Variants in EML6 observed in about 807,000 individuals in gnomAD.
The protein encoded by EML6 is EMAP like 6.
Under a neutral mutation model 240.1 loss-of-function variants are expected in EML6, and 154 were observed. That is an observed-to-expected ratio of 0.64 (90% CI 0.56 to 0.73). EML6 has a LOEUF of 0.73. EML6 is among the 30% of genes least tolerant of loss of function. EML6 has a pLI of 0.00. For missense variants in EML6, 2,964 were observed against 2,474.6 expected (o/e 1.20, Z -4.20); for synonymous variants, 1,148 against 899.0 (o/e 1.28, Z -4.95).
intron 12 of EML6, among the ~76,000 whole-genome samples, chr2:54,860,503 T>C (rs1466119130): frequency 6.6e-6 from 1 of 152,074 alleles, no homozygotes; most frequent in Non-Finnish European, 1.5e-5. Context: ...CAGACACACA[T>C]TAACCCAGCT....
At chr2:54,947,036 T>C (rs909008682) in intron 28 of EML6, among the ~76,000 whole-genome samples, 1 of 152,096 alleles carries the variant, frequency 6.6e-6, no homozygotes, top group African/African-American at 2.4e-5. Context: ...GTATAATATA[T>C]TACATATTAT....
At chr2:54,912,513 A>G (rs1409728867) in intron 25 of EML6, among the ~76,000 whole-genome samples, 5 of 152,166 alleles carry the variant, frequency 3.3e-5, no homozygotes, top group Non-Finnish European at 7.4e-5. Flanking sequence ...TGCATCACCC[A>G]GGTAGAGAGC....
At position 54,813,267 on chromosome 2, in the gene EML6, C is replaced by G; in HGVS notation, c.233C>G (p.Thr78Ser). ...ALHPDKTLVA[T>S]GQVGKEPYIC... ...CACCCAGACAAAACTCTCGTTGCAA[C>G]TGGCCAAGTCGGGAAGGAGCCATAT... The change falls in exon 3 of 42, where the codon ACT becomes AGT. Residue 78 changes from threonine to serine, a missense_variant. Thr to Ser is a moderately conservative substitution (Grantham distance 58, BLOSUM62 1). Transcript: ENST00000356458. 1.9e-6 allele frequency: 3 copies of G among 1,550,826 alleles called. No homozygotes were observed. The highest frequency in any genetic ancestry group is 2.6e-6 in the Non-Finnish European group (3 of 1,146,518).
chr2:54,803,728 C>G (rs534586349), intron 2 of EML6, among the ~76,000 whole-genome samples: 1 of 152,036 alleles, frequency 6.6e-6, no homozygotes, highest in Non-Finnish European at 1.5e-5. Flanking sequence ...AATAAGTGGC[C>G]AGTTTTGTTT....
At chr2:54,938,880 G>C (rs1339622072) in intron 28 of EML6, among the ~76,000 whole-genome samples, 1 of 152,184 alleles carries the variant, frequency 6.6e-6, no homozygotes, top group African/African-American at 2.4e-5. Flanking sequence ...TCTCATTTCT[G>C]TTGGTGGGAG....
intron 17 of EML6, chr2:54,882,323 C>G (rs529661178): frequency 7.2e-6 from 1 of 138,268 alleles, no homozygotes; most frequent in Non-Finnish European, 1.5e-5. Flanking sequence ...GTCTAGTATA[C>G]AAGTATCCCA....
chr2:54,724,895 C>A lies in EML6; in HGVS notation c.-167C>A. The A allele has an allele frequency of 2.7e-6, 1 of 375,766 alleles. No individual in the cohort carries two copies. Among genetic ancestry groups the A allele is most frequent in the Non-Finnish European group, 4.0e-6 (1 of 247,382 alleles). The allele number at this position is 375,766 out of a possible 1,614,324, so 23.3% of individuals were successfully genotyped here. On this transcript the variant is annotated 5_prime_UTR_variant, in exon 2 of 42. Transcript: ENST00000356458. This position sits in a 1 kb window ranked among gnomAD's most constrained non-coding sequence, Gnocchi z 5.2. ...GGCGGCGGCTTGTCTGCGGCGGCTG[C>A]AGCGGATGATGGTGGCGGCCGGCCC... is the stretch of plus-strand genomic sequence containing the variant.
chr2:54,925,623 A>G (rs1335178640), intron 26 of EML6, among the ~76,000 whole-genome samples: 1 of 152,120 alleles, frequency 6.6e-6, no homozygotes, highest in Non-Finnish European at 1.5e-5. Context: ...ATTCAGTTTT[A>G]TAGGTTAAAG....
intron 28 of EML6, among the ~76,000 whole-genome samples, chr2:54,944,396 A>C (rs1215288050): frequency 7.9e-5 from 12 of 152,134 alleles, no homozygotes; most frequent in African/African-American, 2.9e-4. Context: ...CTCCATGACA[A>C]AGTGCTGTGA....
intron 9 of EML6, among the ~76,000 whole-genome samples, chr2:54,848,026 T>G (rs1669864971): frequency 6.6e-6 from 1 of 151,292 alleles, no homozygotes; most frequent in Non-Finnish European, 1.5e-5. Flanking sequence ...CAAGCACATC[T>G]AATTCCAAGG....
intron 2 of EML6, among the ~76,000 whole-genome samples, chr2:54,769,226 G>A (rs369578200): frequency 6.6e-6 from 1 of 152,184 alleles, no homozygotes; most frequent in East Asian, 1.9e-4. Flanking sequence ...AGTGATGTCA[G>A]AAGACTTCAC....
At chr2:54,799,475 A>G (rs1482910877) in intron 2 of EML6, among the ~76,000 whole-genome samples, 1 of 151,828 alleles carries the variant, frequency 6.6e-6, no homozygotes, top group Non-Finnish European at 1.5e-5. Context: ...CCTCCTGAGT[A>G]GCTGGGATTA....
At chr2:54,879,876 A>G (rs1671725152) in intron 17 of EML6, 1 of 508,468 alleles carries the variant, frequency 2.0e-6, no homozygotes, top group African/African-American at 1.9e-5. Context: ...AGAGTCATTC[A>G]CCGCTTCATT....
chr2:54,905,805 C>T (rs1039764140), intron 24 of EML6, among the ~76,000 whole-genome samples: 3 of 152,192 alleles, frequency 2.0e-5, no homozygotes, highest in Admixed American at 2.0e-4. Flanking sequence ...CTATAATGGG[C>T]TTATTCCACT....
intron 16 of EML6, among the ~76,000 whole-genome samples, chr2:54,876,787 C>T (rs1671528817): frequency 6.6e-6 from 1 of 152,108 alleles, no homozygotes; most frequent in Non-Finnish European, 1.5e-5. Flanking sequence ...AGGATCAAAT[C>T]AGAGTAGCTA....
At chr2:54,870,665 T>A (rs548962855) in intron 15 of EML6, among the ~76,000 whole-genome samples, 1 of 152,198 alleles carries the variant, frequency 6.6e-6, no homozygotes, top group Non-Finnish European at 1.5e-5. Flanking sequence ...TTTAATAGCC[T>A]CTTTTTTTAA....
At chr2:54,744,926 A>G (rs1344044374) in intron 2 of EML6, among the ~76,000 whole-genome samples, 1 of 112,410 alleles carries the variant, frequency 8.9e-6, no homozygotes. Context: ...ACACACACAC[A>G]CACACACACA....
At chr2:54,950,164 A>T (rs1314877510) in intron 29 of EML6, among the ~76,000 whole-genome samples, 2 of 152,188 alleles carry the variant, frequency 1.3e-5, no homozygotes, top group African/African-American at 4.8e-5. Flanking sequence ...AAAAATGGCA[A>T]ATATGTAGCA....
intron 8 of EML6, among the ~76,000 whole-genome samples, chr2:54,844,775 G>C (rs879341440): frequency 6.6e-6 from 1 of 152,152 alleles, no homozygotes; most frequent in Non-Finnish European, 1.5e-5. Context: ...AGTTTACTCG[G>C]AGCCTCCAGC....
Sources: gnomAD v4.1 joint callset for allele counts (sites outside exome capture counted in the v4.1 genomes callset) on GRCh38, gnomAD v4.1.1 for gene constraint, Gnocchi (gnomAD v3.1) non-coding constraint, MANE v1.5 for transcripts, NCBI Gene and HGNC (gene_info 2026-07-23, HGNC 2026-07-21) for gene names.